The following PTPRD variants were observed in gnomAD, a reference collection of about 807,000 sequenced individuals.
The protein encoded by PTPRD is receptor-type tyrosine-protein phosphatase delta.
In PTPRD, 34 loss-of-function variants were observed where a neutral mutation model predicts 214.5. The ratio of observed to expected loss-of-function variants is 0.16; its 90% CI spans 0.12 to 0.21. The LOEUF (loss-of-function observed/expected upper bound fraction) is 0.21, where lower values mean the gene tolerates loss of function less well. Ranked by LOEUF, PTPRD falls within the 10% of genes least tolerant of loss-of-function variation. The pLI, the probability that PTPRD is intolerant of heterozygous loss-of-function variation, is 1.00. For synonymous variants in PTPRD, 1,128 were observed against 845.7 expected (o/e 1.33, Z -5.79); for missense variants, 2,545 against 2,398.7 (o/e 1.06, Z -1.27).
intron 2 of PTPRD, among the ~76,000 whole-genome samples, chr9:10,606,537 T>G (rs910822310): frequency 2.7e-4 from 41 of 151,556 alleles, no homozygotes; most frequent in Admixed American, 2.0e-3. Flanking sequence ...TATTTTCTTT[T>G]TTTTTTTTTC....
chr9:10,341,243 G>C (rs1565406262), intron 2 of PTPRD, among the ~76,000 whole-genome samples: 1 of 151,864 alleles, frequency 6.6e-6, no homozygotes, highest in East Asian at 1.9e-4. Context: ...CACTTAATCA[G>C]TTACTAAGGC....
At chr9:10,318,132 A>C (rs1047823905) in intron 3 of PTPRD, among the ~76,000 whole-genome samples, 1 of 152,030 alleles carries the variant, frequency 6.6e-6, no homozygotes, top group Non-Finnish European at 1.5e-5. Flanking sequence ...ATAAGTCATG[A>C]CTATTGCAAT....
intron 2 of PTPRD, among the ~76,000 whole-genome samples, chr9:10,416,391 A>G (rs2098488753): frequency 6.6e-6 from 1 of 151,862 alleles, no homozygotes; most frequent in Non-Finnish European, 1.5e-5. Context: ...AGCAACAGAC[A>G]AACAAACACC....
chr9:10,171,275 G>A (rs2099203335), intron 3 of PTPRD, among the ~76,000 whole-genome samples: 1 of 152,038 alleles, frequency 6.6e-6, no homozygotes, highest in South Asian at 2.1e-4. Flanking sequence ...CATGTTGTGG[G>A]AGGGACCTGG....
intron 8 of PTPRD, among the ~76,000 whole-genome samples, chr9:9,440,690 T>G (rs144024009): frequency 2.1e-3 from 326 of 152,358 alleles, no homozygotes; most frequent in African/African-American, 7.5e-3. Flanking sequence ...AGAAATCTAT[T>G]TGTTCATTAA....
chr9:9,364,130 C>G (rs898525619), intron 9 of PTPRD, among the ~76,000 whole-genome samples: 1 of 151,392 alleles, frequency 6.6e-6, no homozygotes, highest in African/African-American at 2.4e-5. Context: ...CTTAAATCAA[C>G]ATGAAATTAG....
intron 2 of PTPRD, among the ~76,000 whole-genome samples, chr9:10,470,160 T>C (rs1301869146): frequency 2.6e-5 from 4 of 152,134 alleles, no homozygotes; most frequent in Admixed American, 2.0e-4. Context: ...TTTGAGGTAA[T>C]GGATGTGCTA....
chr9:9,232,158 T>C (rs2099963527), intron 9 of PTPRD, among the ~76,000 whole-genome samples: 1 of 152,184 alleles, frequency 6.6e-6, no homozygotes. Flanking sequence ...TTGACAAAAC[T>C]AAATTCTTTA....
At chr9:8,757,043 G>C (rs2094043780) in intron 11 of PTPRD, among the ~76,000 whole-genome samples, 2 of 152,194 alleles carry the variant, frequency 1.3e-5, no homozygotes. Context: ...TCGGGAGGCT[G>C]AGGCAGGAGA....
chr9:9,581,170 T>C (rs1420600003), intron 7 of PTPRD, among the ~76,000 whole-genome samples: 1 of 152,160 alleles, frequency 6.6e-6, no homozygotes, highest in Non-Finnish European at 1.5e-5. Context: ...CTTACAACTC[T>C]AATAAATTAT....
intron 12 of PTPRD, among the ~76,000 whole-genome samples, chr9:8,682,521 A>G (rs1243564458): frequency 6.6e-6 from 1 of 151,218 alleles, no homozygotes; most frequent in African/African-American, 2.5e-5. Context: ...TTTGCAATTA[A>G]AAAGAAAACT....
In PTPRD at chr9:8,336,481, G is replaced by A. The variant is rs201454671; in HGVS notation, c.5379+2441C>T. Among the ~76,000 whole-genome samples, 55 of 18,044 alleles carry A rather than the reference G, an allele frequency of 3.0e-3. 1 individual carries two copies. The highest frequency in any genetic ancestry group is 9.2e-3 in the Admixed American group (11 of 1,198). 11.8% of individuals were successfully genotyped at this position (18,044 alleles called of 152,430 possible). ...AAGACTTAAACCTAAGATGTAAAAT[G>A]ATGAAAACCCCTAGAAGAAAACCTA... is the stretch of plus-strand genomic sequence containing the variant. On this transcript the variant is annotated intron_variant, in intron 43 of 45. Coordinates refer to ENST00000381196, the MANE Select transcript of PTPRD (RefSeq NM_002839.4).
At chr9:8,624,288 A>T (rs1332122810) in intron 14 of PTPRD, among the ~76,000 whole-genome samples, 1 of 151,948 alleles carries the variant, frequency 6.6e-6, no homozygotes, top group Non-Finnish European at 1.5e-5. Context: ...CAGTCTTTCA[A>T]AATAACTTGG....
At chr9:10,079,396 A>G (rs992728265) in intron 3 of PTPRD, among the ~76,000 whole-genome samples, 23 of 152,104 alleles carry the variant, frequency 1.5e-4, no homozygotes, top group African/African-American at 5.6e-4. Context: ...GGCAGGAATG[A>G]AATCCCGAGG....
At chr9:8,694,312 G>A (rs972369811) in intron 12 of PTPRD, among the ~76,000 whole-genome samples, 2 of 151,664 alleles carry the variant, frequency 1.3e-5, no homozygotes, top group Non-Finnish European at 2.9e-5. Context: ...TTTTTTTCAT[G>A]TTTAGCAAAA....
At chr9:9,975,449 G>C (rs950946696) in intron 4 of PTPRD, among the ~76,000 whole-genome samples, 6 of 152,220 alleles carry the variant, frequency 3.9e-5, no homozygotes, top group Non-Finnish European at 5.9e-5. Context: ...CGATTTTGCT[G>C]TGTTTCCAGG....
At chr9:9,090,500 T>A (rs1278601675) in intron 10 of PTPRD, among the ~76,000 whole-genome samples, 1 of 152,218 alleles carries the variant, frequency 6.6e-6, no homozygotes, top group Non-Finnish European at 1.5e-5. Context: ...GCTTGTTAGA[T>A]ATTATATATT....
intron 8 of PTPRD, among the ~76,000 whole-genome samples, chr9:9,408,837 A>G (rs538953416): frequency 2.6e-5 from 4 of 151,882 alleles, no homozygotes; most frequent in Non-Finnish European, 5.9e-5. Flanking sequence ...CAGTAATCAT[A>G]TTTTCTTTTT....
intron 11 of PTPRD, among the ~76,000 whole-genome samples, chr9:8,758,965 G>A (rs1018794509): frequency 7.3e-5 from 11 of 151,544 alleles, no homozygotes; most frequent in South Asian, 2.1e-4. Flanking sequence ...GATTGCAGGC[G>A]TGAGCCACCG....
Sources: allele counts gnomAD v4.1 joint callset (sites outside exome capture counted in the v4.1 genomes callset), GRCh38; gene constraint gnomAD v4.1.1; transcripts MANE v1.5; gene names NCBI Gene and HGNC (gene_info 2026-07-23, HGNC 2026-07-21).